The following HS3ST4 variants were observed in gnomAD, a reference collection of about 807,000 sequenced individuals.
HS3ST4 encodes heparan sulfate-glucosamine 3-sulfotransferase 4.
Under a neutral mutation model 29.2 loss-of-function variants are expected in HS3ST4, and 17 were observed. That is an observed-to-expected ratio of 0.58 (90% CI 0.40 to 0.87). The LOEUF is 0.87. Ranked by LOEUF, HS3ST4 falls within the 40% of genes least tolerant of loss-of-function variation. HS3ST4 has a pLI of 0.00. For synonymous variants in HS3ST4, 314 were observed against 285.7 expected, an observed-to-expected ratio of 1.10 and a Z score of -1.00; for missense variants, 627 against 634.5, an observed-to-expected ratio of 0.99 and a Z score of 0.13.
chr16:25,987,086 C>T (rs1398701434), intron 1 of HS3ST4, among the ~76,000 whole-genome samples: 1 of 152,226 alleles, frequency 6.6e-6, no homozygotes, highest in African/African-American at 2.4e-5. Context: ...CTCTGTGGCT[C>T]ACGCCTGTAA....
intron 1 of HS3ST4, among the ~76,000 whole-genome samples, chr16:26,091,269 G>A (rs1898853114): frequency 6.6e-6 from 1 of 152,078 alleles, no homozygotes; most frequent in African/African-American, 2.4e-5. Context: ...ATAATATTAA[G>A]GCTCTATAAC....
rs1168597148 is a variant in HS3ST4, at chr16:26,135,720, C to T, written c.843C>T (p.Ile281=). The T allele has an allele frequency of 1.2e-6, 2 of 1,614,126 alleles. No homozygotes were observed. The highest frequency in any genetic ancestry group is 3.3e-4 in the Middle Eastern group (2 of 6,062). ...GCATTCACTCCATGGCCAAGGACAT[C>T]AAACTGATTGTGGTGGTGAGAAACC... is the stretch of plus-strand genomic sequence containing the variant. The part of the protein sequence containing the change: ...PKRIHSMAKD[I]KLIVVVRNPV... Residue 281 remains isoleucine, a synonymous_variant, in exon 2 of 2, where the codon ATC becomes ATT. Coordinates refer to ENST00000331351, the MANE Select transcript of HS3ST4 (RefSeq NM_006040.3).
chr16:25,883,398 TA>T (rs1567264036), intron 1 of HS3ST4, among the ~76,000 whole-genome samples: 1 of 11,606 alleles, frequency 8.6e-5, no homozygotes, highest in African/African-American at 4.5e-4. Context: ...ACAAAAAAAA[TA>T]CCCCACACTG....
chr16:26,003,123 A>G (rs1969227437), intron 1 of HS3ST4, among the ~76,000 whole-genome samples: 1 of 152,144 alleles, frequency 6.6e-6, no homozygotes. Context: ...TCTAGCTCCA[A>G]TTGACTTGAA....
At chr16:25,722,766 C>A (rs546476146) in intron 1 of HS3ST4, among the ~76,000 whole-genome samples, 34 of 152,108 alleles carry the variant, frequency 2.2e-4, no homozygotes, top group Admixed American at 5.9e-4. Flanking sequence ...TAGTATGTGA[C>A]TCAGTTTGCT....
At chr16:25,969,551 T>C (rs1968876440) in intron 1 of HS3ST4, among the ~76,000 whole-genome samples, 1 of 152,206 alleles carries the variant, frequency 6.6e-6, no homozygotes, top group South Asian at 2.1e-4. Flanking sequence ...CTGTAGACCT[T>C]TACTCAATTC....
At chr16:26,021,052 T>C (rs929913667) in intron 1 of HS3ST4, among the ~76,000 whole-genome samples, 3 of 152,226 alleles carry the variant, frequency 2.0e-5, no homozygotes, top group African/African-American at 7.2e-5. Flanking sequence ...AATGTGATTG[T>C]TAATATTTGA....
chr16:26,132,387 T>A (rs1899431523), intron 1 of HS3ST4, among the ~76,000 whole-genome samples: 3 of 152,148 alleles, frequency 2.0e-5, no homozygotes, highest in Non-Finnish European at 4.4e-5. Context: ...GCAAAAACTC[T>A]CCTAAAGTAT....
chr16:25,949,668 A>T (rs576049849), intron 1 of HS3ST4, among the ~76,000 whole-genome samples: 1 of 152,296 alleles, frequency 6.6e-6, no homozygotes, highest in African/African-American at 2.4e-5. Context: ...CAGTGAATGA[A>T]AAATTACTAA....
At chr16:26,062,534 C>T (rs1228510561) in intron 1 of HS3ST4, among the ~76,000 whole-genome samples, 6 of 152,098 alleles carry the variant, frequency 3.9e-5, no homozygotes, top group South Asian at 4.2e-4. Flanking sequence ...AACCTTGGCC[C>T]GATGCCTGCA....
chr16:25,692,735 G>A lies in HS3ST4; in HGVS notation c.318G>A (p.Ala106=). 7.8e-7 allele frequency: 1 copy of A among 1,278,010 alleles called. No homozygotes were observed. The highest frequency in any genetic ancestry group is 9.8e-7 in the Non-Finnish European group (1 of 1,016,132). 79.2% of individuals were successfully genotyped at this position (1,278,010 alleles called of 1,614,324 possible). Residue 106 remains alanine (A), a synonymous_variant, in exon 1 of 2, where the codon GCG becomes GCA. Coordinates refer to ENST00000331351, the MANE Select transcript of HS3ST4 (RefSeq NM_006040.3). The part of the protein sequence containing the change: ...QPPAPPPLDN[A]SHGEPPEPPE... ...CCGCGCCGCCGCCGCTGGACAACGCGAGCCACGGGGAGCCGCCCGAGCCCC... is the reference window on the plus strand; with the variant it reads ...CCGCGCCGCCGCCGCTGGACAACGCAAGCCACGGGGAGCCGCCCGAGCCCC...
chr16:25,704,621 T>A (rs1481048271), intron 1 of HS3ST4, among the ~76,000 whole-genome samples: 1 of 151,978 alleles, frequency 6.6e-6, no homozygotes, highest in Non-Finnish European at 1.5e-5. Context: ...GGCTAATTTT[T>A]AAAAAAATTG....
At chr16:25,832,009 G>A (rs1164549351) in intron 1 of HS3ST4, among the ~76,000 whole-genome samples, 1 of 152,094 alleles carries the variant, frequency 6.6e-6, no homozygotes, top group Non-Finnish European at 1.5e-5. Context: ...GGGAGGCTGA[G>A]ATAGGAGGAT....
intron 1 of HS3ST4, among the ~76,000 whole-genome samples, chr16:26,044,398 C>T (rs577927004): frequency 1.3e-5 from 2 of 152,164 alleles, no homozygotes; most frequent in Non-Finnish European, 2.9e-5. Flanking sequence ...AATCATTGAT[C>T]TTTCCTATGT....
chr16:26,045,803 T>C (rs1338789959), intron 1 of HS3ST4, among the ~76,000 whole-genome samples: 1 of 152,246 alleles, frequency 6.6e-6, no homozygotes, highest in Non-Finnish European at 1.5e-5. Flanking sequence ...ACATGGATTA[T>C]ATTTTTATGG....
intron 1 of HS3ST4, among the ~76,000 whole-genome samples, chr16:26,003,818 A>C (rs1242010377): frequency 6.6e-6 from 1 of 152,112 alleles, no homozygotes; most frequent in Non-Finnish European, 1.5e-5. Flanking sequence ...ATTTCTTGGC[A>C]GTGCAGGGTG....
intron 1 of HS3ST4, among the ~76,000 whole-genome samples, chr16:25,956,533 A>G (rs4622516): frequency 0.5 from 75,457 of 152,086 alleles, 19,098 homozygotes; most frequent in African/African-American, 0.58. Context: ...TCCTATTTCC[A>G]GTGATATGAT....
intron 1 of HS3ST4, among the ~76,000 whole-genome samples, chr16:25,921,836 C>T (rs1158966867): frequency 6.6e-6 from 1 of 151,856 alleles, no homozygotes; most frequent in Non-Finnish European, 1.5e-5. Context: ...CTCACCTCAG[C>T]CTCAACCTCC....
chr16:25,895,205 A>G (rs1344365950), intron 1 of HS3ST4, among the ~76,000 whole-genome samples: 1 of 151,976 alleles, frequency 6.6e-6, no homozygotes, highest in Non-Finnish European at 1.5e-5. Flanking sequence ...GACCATGGTA[A>G]CCATGCCTAC....
Sources: allele counts gnomAD v4.1 joint callset (sites outside exome capture counted in the v4.1 genomes callset), GRCh38; gene constraint gnomAD v4.1.1; transcripts MANE v1.5; gene names NCBI Gene and HGNC (gene_info 2026-07-23, HGNC 2026-07-21).